The following FAM193A variants were observed in gnomAD, a reference collection of about 807,000 sequenced individuals.
The protein encoded by FAM193A is family with sequence similarity 193 member A, also known as protein FAM193A.
Under a neutral mutation model 126.5 loss-of-function variants are expected in FAM193A, and 22 were observed. The ratio of observed to expected loss-of-function variants is 0.17; its 90% CI spans 0.12 to 0.25. The LOEUF is 0.25. Ranked by LOEUF, FAM193A falls within the 10% of genes least tolerant of loss-of-function variation. FAM193A has a pLI of 1.00. For synonymous variants in FAM193A, 761 were observed against 646.8 expected (o/e 1.18, Z -2.68); for missense variants, 1,675 against 1,672.8 (o/e 1.00, Z -0.02).
chr4:2,609,943 GTT>G (rs983787613), intron 2 of FAM193A, among the ~76,000 whole-genome samples: 1 of 145,658 alleles, frequency 6.9e-6, no homozygotes, highest in African/African-American at 2.5e-5. Context: ...AAAAAAAAGA[GTT>G]TGCTGGCTGG....
intron 1 of FAM193A, among the ~76,000 whole-genome samples, chr4:2,577,445 G>A (rs1306279366): frequency 2.5e-5 from 2 of 79,370 alleles, no homozygotes; most frequent in African/African-American, 3.9e-5. Context: ...TTGAGACAGA[G>A]TCTCAGTCTG....
chr4:2,674,823 C>A, intron 13 of FAM193A, among the ~76,000 whole-genome samples: 1 of 142,284 alleles, frequency 7.0e-6, no homozygotes, highest in African/African-American at 2.5e-5. Flanking sequence ...TAGTAAAACC[C>A]TGTCTCTACC....
intron 1 of FAM193A, among the ~76,000 whole-genome samples, chr4:2,586,383 T>C (rs913954855): frequency 6.6e-6 from 1 of 152,178 alleles, no homozygotes; most frequent in African/African-American, 2.4e-5. Flanking sequence ...TTTAGGTCTA[T>C]AATTAAAGAA....
chr4:2,538,287 CGCCTCCCGGGTTCAAGCGATTCTCCT>C, intron 1 of FAM193A, among the ~76,000 whole-genome samples: 1 of 151,850 alleles, frequency 6.6e-6, no homozygotes, highest in South Asian at 2.1e-4. Flanking sequence ...CTGTAACCTC[CGCCTCCCGGGTTCAAGCGATTCTCCT>C]GCCTCAGCCT....
In FAM193A at chr4:2,700,049, G is replaced by C. The variant is rs945789497; in HGVS notation, c.3877G>C (p.Asp1293His). The C allele has an allele frequency of 1.9e-6, 3 of 1,613,880 alleles. No individual in the cohort carries two copies. The African/African-American group carries it at 4.0e-5, about 22-fold the overall frequency. The change falls in exon 19 of 21, where the codon GAT becomes CAT. Residue 1293 changes from aspartate (D) to histidine (H), a missense_variant. This residue lies in a region of FAM193A where 415 missense variants were observed against 396.7 expected (regional missense o/e 1.05). Transcript: ENST00000637812. ...AGAGCCCAGGCCAGGGCTAGGGGCT[G>C]ATGGGGATGCTGCAGACCCCGTCGA... ...HSEPRPGLGA[D>H]GDAADPVDTR...
intron 1 of FAM193A, among the ~76,000 whole-genome samples, chr4:2,566,702 G>A (rs1444167003): frequency 6.6e-6 from 1 of 151,852 alleles, no homozygotes; most frequent in Non-Finnish European, 1.5e-5. Context: ...AAAGAAAATG[G>A]ATGTTTAGAA....
chr4:2,694,880 G>C, intron 16 of FAM193A, 66 bp from the exon 17 acceptor site: 1 of 1,396,752 alleles, frequency 7.2e-7, no homozygotes, highest in Non-Finnish European at 9.8e-7. Flanking sequence ...GTGGTCATGT[G>C]CAACAATGTG....
intron 20 of FAM193A, among the ~76,000 whole-genome samples, chr4:2,727,296 C>G (rs1467857086): frequency 6.6e-6 from 1 of 152,120 alleles, no homozygotes; most frequent in East Asian, 1.9e-4. Context: ...TAGTTTTAAA[C>G]TGGTGCATGA....
At position 2,564,675 on chromosome 4, in the gene FAM193A, A is replaced by C. The variant is rs144676442; in HGVS notation, c.255+27505A>C. Among the ~76,000 whole-genome samples the C allele has an allele frequency of 2.9e-3, 446 of 152,320 alleles. 3 individuals carry two copies. Among genetic ancestry groups the C allele is most frequent in the Non-Finnish European group, 4.8e-3 (329 of 68,030 alleles). On this transcript the variant is annotated intron_variant, in intron 1 of 20. Transcript: ENST00000637812. The stretch of plus-strand genomic sequence containing the variant: ...AATATGGCAACAAAAGAAATATATT[A>C]TTTTGTCAGCAAATATTTTTGGAGT...
intron 1 of FAM193A, among the ~76,000 whole-genome samples, chr4:2,565,254 CTTT>C (rs71644338): frequency 3.9e-5 from 2 of 50,674 alleles, no homozygotes; most frequent in African/African-American, 8.4e-5. Flanking sequence ...ATAGAGTAGC[CTTT>C]TTTTTTTTTT....
intron 2 of FAM193A, among the ~76,000 whole-genome samples, chr4:2,617,055 C>G (rs1412481849): frequency 1.4e-5 from 2 of 141,964 alleles, no homozygotes; most frequent in African/African-American, 2.6e-5. Flanking sequence ...GTCATCCCAG[C>G]TACTCAGGAG....
rs868611701 is a variant in FAM193A at position 2,552,970 on chromosome 4, C to G, written c.255+15800C>G. On this transcript the variant is annotated intron_variant, in intron 1 of 20. Transcript: ENST00000637812. Reference sequence around the variant, plus strand: ...TCAAGCAATTCTCTTGCCTCAGTCTCTTAAGTAGCTGGGATTACAGGCGCC... The same window carrying G: ...TCAAGCAATTCTCTTGCCTCAGTCTGTTAAGTAGCTGGGATTACAGGCGCC... 3.3e-5 allele frequency among the ~76,000 whole-genome samples: 5 copies of G among 150,390 alleles called. No individual in the cohort carries two copies. The East Asian group carries it at 9.8e-4, about 30-fold the overall frequency.
intron 1 of FAM193A, among the ~76,000 whole-genome samples, chr4:2,549,797 G>A (rs1311806823): frequency 6.6e-6 from 1 of 151,644 alleles, no homozygotes; most frequent in South Asian, 2.1e-4. Context: ...ACACCATCTC[G>A]GCTCACTGCA....
intron 1 of FAM193A, among the ~76,000 whole-genome samples, chr4:2,537,938 A>T (rs1253507101): frequency 2.6e-5 from 4 of 152,126 alleles, no homozygotes; most frequent in Admixed American, 6.5e-5. Context: ...TGCACCTACC[A>T]ATTATGGATT....
At chr4:2,578,338 A>G (rs1015721401) in intron 1 of FAM193A, among the ~76,000 whole-genome samples, 2 of 152,046 alleles carry the variant, frequency 1.3e-5, no homozygotes, top group Non-Finnish European at 2.9e-5. Flanking sequence ...AAATTTCATC[A>G]TTTTAATAAT....
intron 7 of FAM193A, 39 bp from the exon 8 acceptor site, chr4:2,657,764 G>GT: frequency 7.0e-7 from 1 of 1,428,004 alleles, no homozygotes; most frequent in Non-Finnish European, 9.7e-7. Context: ...AGGTATTAAA[G>GT]TTTTTCTTTT....
chr4:2,605,968 C>T (rs1490151215), intron 2 of FAM193A, among the ~76,000 whole-genome samples: 2 of 13,224 alleles, frequency 1.5e-4, no homozygotes, highest in African/African-American at 5.4e-4. Context: ...GAGACTCTGT[C>T]TCAAAAAAAA....
At chr4:2,662,781 T>C in intron 10 of FAM193A, 57 bp from the exon 11 acceptor site, 1 of 1,409,260 alleles carries the variant, frequency 7.1e-7, no homozygotes, top group Non-Finnish European at 9.9e-7. Flanking sequence ...GTGGCTGGTT[T>C]ACTCATTGTC....
At position 2,689,689 on chromosome 4, in the gene FAM193A, C is replaced by A; in HGVS notation, c.2515C>A (p.Pro839Thr). Residue 839 changes from proline (P) to threonine (T), a missense_variant, in exon 14 of 21, where the codon CCA (proline) becomes ACA (threonine). This residue lies in a region of FAM193A where 1,186 missense variants were observed against 1,109.2 expected (regional missense o/e 1.07). Coordinates refer to ENST00000637812, the MANE Select transcript of FAM193A (RefSeq NM_001366318.2). ...GAACTGGAATCCTGGCACTTTCTTGCCAGATACAATTTCTGGTAAGGAATT... is the reference window on the plus strand; with the variant it reads ...GAACTGGAATCCTGGCACTTTCTTGACAGATACAATTTCTGGTAAGGAATT... Reference protein sequence around the residue: ...DKNWNPGTFLPDTISGSEILG... With the variant: ...DKNWNPGTFLTDTISGSEILG... The A allele has an allele frequency of 6.4e-7, 1 of 1,568,632 alleles. No homozygotes were observed.
Sources: allele counts gnomAD v4.1 joint callset (sites outside exome capture counted in the v4.1 genomes callset), GRCh38; gene constraint gnomAD v4.1.1; regional missense constraint gnomAD v4.1.1; transcripts MANE v1.5; gene names NCBI Gene and HGNC (gene_info 2026-07-23, HGNC 2026-07-21).